The following MAD1L1 variants were observed in gnomAD, a reference collection of about 807,000 sequenced individuals.
The protein encoded by MAD1L1 is mitotic spindle assembly checkpoint protein MAD1.
A neutral mutation model predicts 96.9 loss-of-function variants in MAD1L1; 95 were observed. The observed-to-expected ratio is 0.98, with a 90% CI of 0.83 to 1.16. The LOEUF is 1.16. MAD1L1 is among the 50% of genes most tolerant of loss of function. MAD1L1 has a pLI of 0.00. For synonymous variants in MAD1L1, 473 were observed against 396.6 expected, an observed-to-expected ratio of 1.19 and a Z score of -2.29; for missense variants, 1,007 against 954.4, an observed-to-expected ratio of 1.06 and a Z score of -0.73.
chr7:2,205,129 A>G (rs888462880), intron 10 of MAD1L1, among the ~76,000 whole-genome samples: 2 of 134,450 alleles, frequency 1.5e-5, no homozygotes, highest in South Asian at 4.7e-4. Flanking sequence ...TACAGAGGCC[A>G]AGATAACTAT....
intron 18 of MAD1L1, among the ~76,000 whole-genome samples, chr7:1,845,059 C>T (rs576947503): frequency 3.3e-5 from 5 of 152,340 alleles, no homozygotes; most frequent in East Asian, 1.9e-4. Context: ...CCCCACCTGG[C>T]GGGCGCGGGA....
intron 18 of MAD1L1, chr7:1,848,342 C>G (rs1453752787): frequency 6.4e-6 from 1 of 156,090 alleles, no homozygotes; most frequent in East Asian, 1.9e-4. Context: ...CATGCCAGGG[C>G]AGACGGACAG....
chr7:1,873,105 G>A (rs1785193628), intron 18 of MAD1L1, among the ~76,000 whole-genome samples: 1 of 152,258 alleles, frequency 6.6e-6, no homozygotes, highest in Non-Finnish European at 1.5e-5. Context: ...GGAGCGGGGA[G>A]GAGCCCCCCG....
At chr7:1,831,574 T>C (rs1782705928) in intron 18 of MAD1L1, among the ~76,000 whole-genome samples, 1 of 152,192 alleles carries the variant, frequency 6.6e-6, no homozygotes. Context: ...GGAAGGCATG[T>C]TGAAAACTGA....
rs577146306 is a variant in MAD1L1 at position 2,167,979 on chromosome 7, T to C, written c.987-18741A>G. Among the ~76,000 whole-genome samples the C allele has an allele frequency of 8.5e-5, 13 of 152,238 alleles. No individual in the cohort carries two copies. The South Asian group carries it at 2.7e-3, about 32-fold the overall frequency. ...TTTATTTTGGCAAAGAGGCAGCAGA[T>C]TGCAGAGTAAAGAACAGTAAATTGG... On this transcript the variant is annotated intron_variant, in intron 10 of 18. Transcript: ENST00000265854.
intron 17 of MAD1L1, among the ~76,000 whole-genome samples, chr7:1,914,884 G>A (rs1396760340): frequency 6.6e-6 from 1 of 152,236 alleles, no homozygotes; most frequent in Non-Finnish European, 1.5e-5. Flanking sequence ...AAAGCGTTGG[G>A]ATGACAGGCA....
chr7:2,189,036 AAAG>A (rs957124635), intron 10 of MAD1L1, among the ~76,000 whole-genome samples: 6 of 152,328 alleles, frequency 3.9e-5, no homozygotes, highest in African/African-American at 1.4e-4. Flanking sequence ...ACATTTTTCC[AAAG>A]AAGACACACA....
At chr7:1,830,042 C>G (rs1027617528) in intron 18 of MAD1L1, among the ~76,000 whole-genome samples, 6 of 152,130 alleles carry the variant, frequency 3.9e-5, no homozygotes, top group Non-Finnish European at 8.8e-5. Context: ...GCAGCTGATT[C>G]ACACTGCAAG....
intron 10 of MAD1L1, among the ~76,000 whole-genome samples, chr7:2,175,853 A>G (rs1790924526): frequency 6.6e-6 from 1 of 152,240 alleles, no homozygotes; most frequent in South Asian, 2.1e-4. Flanking sequence ...GGAAATAAAG[A>G]TTAAAAACAG....
At chr7:2,009,673 A>C (rs933551654) in intron 13 of MAD1L1, among the ~76,000 whole-genome samples, 3 of 152,200 alleles carry the variant, frequency 2.0e-5, no homozygotes, top group Non-Finnish European at 4.4e-5. Context: ...CAGTCAGTGC[A>C]CGGTCAGGGG....
At chr7:1,914,166 G>T (rs118009319) in intron 17 of MAD1L1, among the ~76,000 whole-genome samples, 2,586 of 152,340 alleles carry the variant, frequency 0.017, 31 homozygotes, top group South Asian at 0.036. Context: ...CCCCTGGCCA[G>T]TGCTGGCCTG....
chr7:2,082,441 G>A (rs2128539727), intron 11 of MAD1L1, among the ~76,000 whole-genome samples: 1 of 152,320 alleles, frequency 6.6e-6, no homozygotes, highest in East Asian at 1.9e-4. Context: ...GCCGGGCCTG[G>A]GAGCTCAGCG....
intron 18 of MAD1L1, among the ~76,000 whole-genome samples, chr7:1,824,068 G>A (rs868839062): frequency 1.3e-5 from 2 of 152,102 alleles, no homozygotes; most frequent in African/African-American, 2.4e-5. Context: ...CCTGACCGGG[G>A]GCTGCTCCCT....
intron 7 of MAD1L1, among the ~76,000 whole-genome samples, chr7:2,216,597 G>T (rs137860272): frequency 4.6e-5 from 7 of 152,046 alleles, no homozygotes; most frequent in African/African-American, 1.7e-4. Context: ...AGTGACCCTC[G>T]CATGACCCGT....
At chr7:2,126,501 C>T (rs937323088) in intron 11 of MAD1L1, among the ~76,000 whole-genome samples, 9 of 152,140 alleles carry the variant, frequency 5.9e-5, no homozygotes, top group Non-Finnish European at 8.8e-5. Flanking sequence ...GCCTGGGGGG[C>T]AGCGGGGACA....
intron 17 of MAD1L1, among the ~76,000 whole-genome samples, chr7:1,927,009 G>GT (rs1789126432): frequency 6.6e-6 from 1 of 152,202 alleles, no homozygotes; most frequent in South Asian, 2.1e-4. Context: ...TAACCCAGAT[G>GT]TAAGAAGTGA....
intron 3 of MAD1L1, among the ~76,000 whole-genome samples, chr7:2,227,081 G>T (rs1355670213): frequency 1.3e-5 from 2 of 151,868 alleles, no homozygotes; most frequent in African/African-American, 4.8e-5. Flanking sequence ...ATAACTTGAG[G>T]TCAGGAGTTT....
Position 1,822,797 on chromosome 7 carries a change from AAAG to A in MAD1L1, c.1999-6572_1999-6570del, listed in dbSNP as rs565425507. 1.1e-3 allele frequency among the ~76,000 whole-genome samples: 165 copies of A among 151,990 alleles called. 2 individuals carry two copies. The highest frequency in any genetic ancestry group is 3.9e-3 in the African/African-American group (161 of 41,462). ...AATGTATATAGAAAGCAATTCCAAA[AAAG>A]AAGAGTAGAGGAATTGCCCTTCCTG... On this transcript the variant is annotated intron_variant, in intron 18 of 18. Coordinates refer to ENST00000265854, the MANE Select transcript of MAD1L1 (RefSeq NM_001013836.2).
intron 11 of MAD1L1, among the ~76,000 whole-genome samples, chr7:2,121,119 C>T (rs1043081499): frequency 2.0e-5 from 3 of 152,234 alleles, no homozygotes; most frequent in Admixed American, 1.3e-4. Flanking sequence ...GCAGGCGCCC[C>T]GCCACAGCAT....
Sources: allele counts gnomAD v4.1 joint callset (sites outside exome capture counted in the v4.1 genomes callset), GRCh38; gene constraint gnomAD v4.1.1; transcripts MANE v1.5; gene names NCBI Gene and HGNC (gene_info 2026-07-23, HGNC 2026-07-21).